Variants in DYM observed in about 807,000 individuals in gnomAD.
DYM encodes dyggve-Melchior-Clausen syndrome protein.
DYM carries 78 observed loss-of-function variants against 93.1 expected under a neutral mutation model. The ratio of observed to expected loss-of-function variants is 0.84; its 90% CI spans 0.70 to 1.01. The LOEUF (loss-of-function observed/expected upper bound fraction) is 1.01. Ranked by LOEUF, DYM falls within the 50% of genes least tolerant of loss-of-function variation. The probability of loss-of-function intolerance (pLI) is 0.00; values close to 1 mark genes in which losing one functional copy is unlikely to be tolerated. For missense variants in DYM, 789 were observed against 845.0 expected (o/e 0.93, Z 0.82); for synonymous variants, 321 against 319.7 (o/e 1.00, Z -0.04).
At chr18:49,047,449 G>T (rs1485441534) in intron 17 of DYM, among the ~76,000 whole-genome samples, 1 of 152,258 alleles carries the variant, frequency 6.6e-6, no homozygotes, top group Non-Finnish European at 1.5e-5. Context: ...ATCAGCTCAG[G>T]ATGTGGCACC....
chr18:49,183,223 C>T (rs1296199221), intron 14 of DYM, among the ~76,000 whole-genome samples: 1 of 27,072 alleles, frequency 3.7e-5, no homozygotes, highest in Non-Finnish European at 1.9e-4. Flanking sequence ...TTTATTTGCA[C>T]AACTAGTCTC....
chr18:49,045,570 G>A (rs1311573249), intron 17 of DYM, among the ~76,000 whole-genome samples: 3 of 152,198 alleles, frequency 2.0e-5, no homozygotes, highest in Non-Finnish European at 2.9e-5. Flanking sequence ...CTAGAGATAC[G>A]GGGGTGCGGC....
chr18:49,192,669 A>T (rs940394445), intron 14 of DYM, among the ~76,000 whole-genome samples: 1 of 151,954 alleles, frequency 6.6e-6, no homozygotes, highest in African/African-American at 2.4e-5. Flanking sequence ...TCTAATTACT[A>T]TCATTTTATA....
At chr18:49,165,619 T>C (rs1207391313) in intron 14 of DYM, among the ~76,000 whole-genome samples, 1 of 152,172 alleles carries the variant, frequency 6.6e-6, no homozygotes, top group Non-Finnish European at 1.5e-5. Context: ...TTATTGGTAA[T>C]GTTAGATGTT....
At chr18:49,329,466 G>A (rs377247696) in intron 8 of DYM, 2 of 152,088 alleles carry the variant, frequency 1.3e-5, no homozygotes, top group East Asian at 1.9e-4. Context: ...AGAGTATCAG[G>A]GTGCAACAAA....
At chr18:49,276,844 T>C (rs370197339) in intron 10 of DYM, among the ~76,000 whole-genome samples, 5 of 152,156 alleles carry the variant, frequency 3.3e-5, no homozygotes, top group African/African-American at 4.8e-5. Flanking sequence ...TATTAAAGAA[T>C]AGCAAGTCAG....
At chr18:49,094,075 A>C (rs1323686365) in intron 17 of DYM, among the ~76,000 whole-genome samples, 3 of 152,218 alleles carry the variant, frequency 2.0e-5, no homozygotes, top group Non-Finnish European at 2.9e-5. Context: ...ACTAAAAGAT[A>C]AGTTATCTTC....
At chr18:49,061,870 G>A (rs2076007734) in intron 17 of DYM, among the ~76,000 whole-genome samples, 1 of 152,234 alleles carries the variant, frequency 6.6e-6, no homozygotes, top group Admixed American at 6.5e-5. Context: ...CCAGTGACCT[G>A]TGTTGCTTTT....
intron 17 of DYM, among the ~76,000 whole-genome samples, chr18:49,082,229 A>C (rs1296581002): frequency 6.6e-6 from 1 of 152,280 alleles, no homozygotes; most frequent in Non-Finnish European, 1.5e-5. Context: ...CCAGGCTAAA[A>C]GCCATGGAAA....
intron 17 of DYM, among the ~76,000 whole-genome samples, chr18:49,080,633 G>A (rs9675555): frequency 0.29 from 39,259 of 137,440 alleles, 5,923 homozygotes; most frequent in East Asian, 0.57. Flanking sequence ...CTGGCCGGGC[G>A]GGGGGCTGAC....
chr18:49,348,859 T>C (rs1224974408), intron 6 of DYM, among the ~76,000 whole-genome samples: 3 of 135,708 alleles, frequency 2.2e-5, no homozygotes, highest in Non-Finnish European at 4.7e-5. Context: ...CAGTGAGCCA[T>C]GATCGCGCCA....
intron 10 of DYM, among the ~76,000 whole-genome samples, chr18:49,273,354 C>T (rs972028441): frequency 3.9e-5 from 6 of 152,300 alleles, no homozygotes; most frequent in Admixed American, 3.3e-4. Context: ...TTCCTTCTGA[C>T]ATTTTGTCAA....
At chr18:49,349,682 C>T (rs551592409) in intron 6 of DYM, among the ~76,000 whole-genome samples, 3 of 152,230 alleles carry the variant, frequency 2.0e-5, no homozygotes, top group East Asian at 1.9e-4. Context: ...TATAACTAGG[C>T]GCCGTGACTC....
intron 16 of DYM, among the ~76,000 whole-genome samples, chr18:49,112,723 G>C (rs916776468): frequency 2.6e-5 from 4 of 152,084 alleles, no homozygotes; most frequent in African/African-American, 9.7e-5. Flanking sequence ...TCATTTTAAT[G>C]GTACAGTTCA....
intron 1 of DYM, among the ~76,000 whole-genome samples, chr18:49,441,590 A>G (rs560377397): frequency 2.0e-5 from 3 of 151,394 alleles, no homozygotes; most frequent in South Asian, 4.2e-4. Flanking sequence ...TCCCCGCCCA[A>G]TGAAACGAAA....
chr18:49,057,737 G>A (rs575645734), intron 17 of DYM, among the ~76,000 whole-genome samples: 1 of 152,340 alleles, frequency 6.6e-6, no homozygotes, highest in South Asian at 2.1e-4. Context: ...CCATGAAAAC[G>A]AAGTGTAAAC....
chr18:49,146,323 C>A (rs868857957), intron 15 of DYM, among the ~76,000 whole-genome samples: 1 of 152,272 alleles, frequency 6.6e-6, no homozygotes, highest in African/African-American at 2.4e-5. Context: ...CTATTCAACA[C>A]AGTGTTGGAA....
intron 1 of DYM, among the ~76,000 whole-genome samples, chr18:49,458,783 G>C (rs946360659): frequency 6.6e-6 from 1 of 152,140 alleles, no homozygotes; most frequent in Non-Finnish European, 1.5e-5. Context: ...ACGTTGCCGT[G>C]AGCCGGGATC....
chr18:49,078,796 A>G (rs1230833743), intron 17 of DYM, among the ~76,000 whole-genome samples: 1 of 152,242 alleles, frequency 6.6e-6, no homozygotes, highest in East Asian at 1.9e-4. Flanking sequence ...TTAGATATTT[A>G]CTACTTCTTG....
Sources: gnomAD v4.1 joint callset for allele counts (sites outside exome capture counted in the v4.1 genomes callset) on GRCh38, gnomAD v4.1.1 for gene constraint, MANE v1.5 for transcripts, NCBI Gene and HGNC (gene_info 2026-07-23, HGNC 2026-07-21) for gene names.